The following ENOSF1 variants were observed in gnomAD, a reference collection of about 807,000 sequenced individuals.
ENOSF1 encodes enolase superfamily member 1, also known as mitochondrial enolase superfamily member 1.
ENOSF1 carries 73 observed loss-of-function variants against 68.2 expected under a neutral mutation model. That is an observed-to-expected ratio of 1.07 (90% CI 0.89 to 1.30). The LOEUF (loss-of-function observed/expected upper bound fraction) is 1.30. Ranked by LOEUF, ENOSF1 falls within the 50% of genes most tolerant of loss-of-function variation. ENOSF1 has a pLI of 0.00. For missense variants in ENOSF1, 589 were observed against 554.5 expected (o/e 1.06, Z -0.62); for synonymous variants, 223 against 210.4 (o/e 1.06, Z -0.52).
intron 11 of ENOSF1, among the ~76,000 whole-genome samples, chr18:679,178 G>A (rs895056558): frequency 6.6e-6 from 1 of 150,606 alleles, no homozygotes; most frequent in Non-Finnish European, 1.5e-5. Flanking sequence ...TTGCCTCCCT[G>A]AGAAACCTCC....
rs762205289 is a variant in ENOSF1, at chr18:683,240, T to C, written c.876+6A>G. The C allele has an allele frequency of 1.9e-6, 3 of 1,613,920 alleles. No individual in the cohort carries two copies. The highest frequency in any genetic ancestry group is 1.3e-5 in the African/African-American group (1 of 74,926). On this transcript the variant is annotated splice_donor_region_variant and intron_variant, in intron 11 of 15. Transcript: ENST00000647584. ...GCTGCCACAGCAGCAGCAGCCGTTT[T>C]CCTACCTTGGAAATGGTGGCGTGCC...
chr18:699,652 T>C (rs532600610), intron 2 of ENOSF1, among the ~76,000 whole-genome samples: 3 of 152,278 alleles, frequency 2.0e-5, no homozygotes, highest in South Asian at 2.1e-4. Context: ...AAGAAAGGAA[T>C]GTATTCCAAA....
Position 672,893 on chromosome 18 carries a change from A to G in ENOSF1, c.*1412T>C. 6.3e-7 allele frequency: 1 copy of G among 1,596,732 alleles called. No individual in the cohort carries two copies. ...AGAACCCAGACCTTTCCCAAAGCTC[A>G]GGATTCTTCGAAAAGTTGAGAAAAT... On this transcript the variant is annotated 3_prime_UTR_variant, in exon 16 of 16. Transcript: ENST00000647584.
intron 8 of ENOSF1, among the ~76,000 whole-genome samples, chr18:689,829 A>G (rs1479576346): frequency 1.3e-5 from 2 of 152,136 alleles, no homozygotes; most frequent in African/African-American, 2.4e-5. Flanking sequence ...GGGGCTGGGG[A>G]CCAGAAAGAC....
chr18:690,222 CTCTAA>C (rs1256852621), intron 8 of ENOSF1, among the ~76,000 whole-genome samples: 9 of 152,104 alleles, frequency 5.9e-5, no homozygotes, highest in Non-Finnish European at 1.3e-4. Context: ...TTGTGGGAAC[CTCTAA>C]TCTGAGGCAA....
At chr18:705,173 G>A (rs535839395) in intron 2 of ENOSF1, among the ~76,000 whole-genome samples, 3 of 152,266 alleles carry the variant, frequency 2.0e-5, no homozygotes, top group Admixed American at 1.3e-4. Context: ...TACTGAGAGC[G>A]CTGATGGTGC....
At chr18:679,103 C>T (rs1310520206) in intron 11 of ENOSF1, among the ~76,000 whole-genome samples, 2 of 152,168 alleles carry the variant, frequency 1.3e-5, no homozygotes, top group Non-Finnish European at 2.9e-5. Flanking sequence ...TCATTGTGGA[C>T]TCACAGGGTC....
In ENOSF1 at chr18:705,769, G is replaced by A. The variant is rs184369821; in HGVS notation, c.193+701C>T. Among the ~76,000 whole-genome samples the A allele has an allele frequency of 1.0e-3, 153 of 152,186 alleles. No individual in the cohort carries two copies. In the Middle Eastern group the frequency reaches 0.01, roughly 10 times the overall value. ...CACACCTGTAATCCCAGCACTTTGC[G>A]AGGCTGAGACAGGCGGATCATTTGA... is the stretch of plus-strand genomic sequence containing the variant. On this transcript the variant is annotated intron_variant, in intron 2 of 15. Transcript: ENST00000647584.
rs770580127 is a variant in ENOSF1, at chr18:670,864, G to A, written c.*3441C>T. ...ACATGATTGCGCACATCACGGGCCT[G>A]AAGGTGGGCTGTCTCGGGAAGGGTG... On this transcript the variant is annotated 3_prime_UTR_variant, in exon 16 of 16. Transcript: ENST00000647584. 2.5e-6 allele frequency: 4 copies of A among 1,614,032 alleles called. No individual in the cohort carries two copies. The highest frequency in any genetic ancestry group is 1.7e-5 in the Admixed American group (1 of 60,012).
At position 691,125 on chromosome 18, in the gene ENOSF1, ATCAC is replaced by A. The variant is rs2077116132; in HGVS notation, c.497-23_497-20del. 1.2e-6 allele frequency: 2 copies of A among 1,613,988 alleles called. No individual in the cohort carries two copies. The highest frequency in any genetic ancestry group is 2.2e-5 in the South Asian group (2 of 91,084). ...AGTATTTCTGGAAGAAATAAAAAGC[ATCAC>A]TCACTCTTTTAGGAAACAAAGCATG... On this transcript the variant is annotated intron_variant, in intron 6 of 15. Transcript: ENST00000647584.
chr18:708,023 C>CTTT (rs35107796), intron 1 of ENOSF1, among the ~76,000 whole-genome samples: 1 of 137,574 alleles, frequency 7.3e-6, no homozygotes. Context: ...CTATGACCAG[C>CTTT]TTTTTTTTTT....
chr18:673,101 A>C lies in ENOSF1; in HGVS notation c.*1204T>G. On this transcript the variant is annotated 3_prime_UTR_variant, in exon 16 of 16. Coordinates refer to ENST00000647584, the MANE Select transcript of ENOSF1 (RefSeq NM_017512.7). ...TCTAAAAGAAAAAGGAACTAGGTCA[A>C]AAATCTGTCCGTGACCTATCAGTTA... is the stretch of plus-strand genomic sequence containing the variant. 7.9e-7 allele frequency: 1 copy of C among 1,273,388 alleles called. No homozygotes were observed. The highest frequency in any genetic ancestry group is 1.1e-6 in the Non-Finnish European group (1 of 943,970). The allele number at this position is 1,273,388 out of a possible 1,614,324, so 78.9% of individuals were successfully genotyped here. A position where few individuals can be genotyped will look rare whatever the true frequency, so the allele number is the denominator to read the frequency against.
At chr18:693,085 C>G in intron 5 of ENOSF1, 1 of 1,288,348 alleles carries the variant, frequency 7.8e-7, no homozygotes, top group Non-Finnish European at 1.0e-6. Context: ...GCAGTGAAAC[C>G]CGGACTCACA....
At chr18:692,618 AG>A in intron 5 of ENOSF1, 1 of 784,688 alleles carries the variant, frequency 1.3e-6, no homozygotes, top group Non-Finnish European at 1.5e-6. Context: ...AAAGAAAGAA[AG>A]AAAAAAAGAA....
Position 674,371 on chromosome 18 carries a change from A to AGATT in ENOSF1, c.1262_1265dup (p.Val423IlefsTer11), listed in dbSNP as rs2098611276. The AGATT allele has an allele frequency of 6.2e-7, 1 of 1,612,900 alleles. No individual in the cohort carries two copies. Among genetic ancestry groups the AGATT allele is most frequent in the Non-Finnish European group, 8.5e-7 (1 of 1,179,690 alleles). ...CATCTGGATACTGGTGTTTCTTTAC[A>AGATT]GATTCCTCCTTCATTTCTGTTGAGT... On this transcript the variant is annotated frameshift_variant, in exon 16 of 16. Coordinates refer to ENST00000647584, the MANE Select transcript of ENOSF1 (RefSeq NM_017512.7). LOFTEE classifies it high-confidence loss of function.
intron 5 of ENOSF1, 186 bp from the exon 6 acceptor site, chr18:691,462 C>T: frequency 1.8e-6 from 1 of 567,942 alleles, no homozygotes; most frequent in Non-Finnish European, 3.1e-6. Context: ...CCTCCTGCCT[C>T]AGCCTCCTGA....
chr18:674,549 C>A, intron 15 of ENOSF1, 143 bp from the exon 16 acceptor site: 1 of 538,690 alleles, frequency 1.9e-6, no homozygotes, highest in Non-Finnish European at 3.2e-6. Flanking sequence ...CATGGAGTCA[C>A]TGTCCGTTGC....
Position 670,496 on chromosome 18 carries a change from T to C in ENOSF1, c.*3809A>G, listed in dbSNP as rs886599976. On this transcript the variant is annotated 3_prime_UTR_variant, in exon 16 of 16. Coordinates refer to ENST00000647584, the MANE Select transcript of ENOSF1 (RefSeq NM_017512.7). ...CCGTAAATGGACACCTGCAGAAACC[T>C]TGCACCGATGGATAGTCTCCCTCAG... 8.5e-6 allele frequency: 5 copies of C among 588,506 alleles called. No individual in the cohort carries two copies. The highest frequency in any genetic ancestry group is 6.2e-5 in the Admixed American group (2 of 32,094). The allele number at this position is 588,506 out of a possible 1,614,324, so 36.5% of individuals were successfully genotyped here. A position where few individuals can be genotyped will look rare whatever the true frequency, so the allele number is the denominator to read the frequency against.
chr18:692,571 TG>T, intron 5 of ENOSF1: 1 of 390,358 alleles, frequency 2.6e-6, no homozygotes, highest in Non-Finnish European at 3.4e-6. Context: ...TACTGTAGCC[TG>T]GGCAACAAGA....
Sources: gnomAD v4.1 joint callset for allele counts (sites outside exome capture counted in the v4.1 genomes callset) on GRCh38, gnomAD v4.1.1 for gene constraint, MANE v1.5 for transcripts, NCBI Gene and HGNC (gene_info 2026-07-23, HGNC 2026-07-21) for gene names.